PLCB1: variants seen among roughly 807,000 people sequenced by gnomAD.
The protein encoded by PLCB1 is 1-phosphatidylinositol 4,5-bisphosphate phosphodiesterase beta-1.
In PLCB1, 46 loss-of-function variants were observed where a neutral mutation model predicts 161.8. The observed-to-expected ratio is 0.28, with a 90% CI of 0.22 to 0.36. The LOEUF is 0.36. Ranked by LOEUF, PLCB1 falls within the 10% of genes least tolerant of loss-of-function variation. The pLI is 1.00. For missense variants in PLCB1, 1,016 were observed against 1,472.5 expected, an observed-to-expected ratio of 0.69 and a Z score of 5.07; for synonymous variants, 517 against 503.7, an observed-to-expected ratio of 1.03 and a Z score of -0.35.
chr20:8,557,661 A>G (rs1986007309), intron 3 of PLCB1, among the ~76,000 whole-genome samples: 1 of 151,858 alleles, frequency 6.6e-6, no homozygotes. Flanking sequence ...AATTTAGTTA[A>G]TGTCACTCAA....
At chr20:8,809,093 G>C (rs1266250156) in intron 31 of PLCB1, among the ~76,000 whole-genome samples, 1 of 152,012 alleles carries the variant, frequency 6.6e-6, no homozygotes, top group Non-Finnish European at 1.5e-5. Flanking sequence ...ATTTCCCGAG[G>C]TCAGTTCAAT....
intron 3 of PLCB1, among the ~76,000 whole-genome samples, chr20:8,444,447 A>G (rs993813917): frequency 1.3e-5 from 2 of 152,148 alleles, no homozygotes; most frequent in East Asian, 1.9e-4. Context: ...CCAGTCTATC[A>G]TTGTTGGACA....
At chr20:8,366,691 C>G (rs1986722190) in intron 2 of PLCB1, among the ~76,000 whole-genome samples, 1 of 152,186 alleles carries the variant, frequency 6.6e-6, no homozygotes, top group African/African-American at 2.4e-5. Flanking sequence ...GTGGATGCAT[C>G]TGAGGTCCTA....
At chr20:8,814,577 ATGTGTGTGTGTG>A (rs10670728) in intron 31 of PLCB1, among the ~76,000 whole-genome samples, 3 of 145,290 alleles carry the variant, frequency 2.1e-5, no homozygotes, top group Admixed American at 1.4e-4. Flanking sequence ...ATGTACTTGC[ATGTGTGTGTGTG>A]TGTGTGTGTG....
At chr20:8,606,138 A>G (rs1266657222) in intron 3 of PLCB1, among the ~76,000 whole-genome samples, 2 of 152,132 alleles carry the variant, frequency 1.3e-5, no homozygotes, top group Non-Finnish European at 2.9e-5. Flanking sequence ...TTGCCTTCCT[A>G]TTCCAATATT....
Position 8,132,534 on chromosome 20 carries a change from C to A in PLCB1, c.-118C>A, listed in dbSNP as rs1398313055. On this transcript the variant is annotated 5_prime_UTR_variant, in exon 1 of 32. Transcript: ENST00000338037. This position sits in a 1 kb window ranked among gnomAD's most constrained non-coding sequence, Gnocchi z 5.2. ...GGAGGCCGGGGAGGCCGGCGGGGAG[C>A]AGAGTCGAGCGCCTCCGGAGCAGAG... The A allele has an allele frequency of 3.7e-6, 2 of 537,984 alleles. No homozygotes were observed. Among genetic ancestry groups the A allele is most frequent in the South Asian group, 3.9e-5 (1 of 25,660 alleles). The allele number at this position is 537,984 out of a possible 1,614,324, so 33.3% of individuals were successfully genotyped here.
intron 3 of PLCB1, among the ~76,000 whole-genome samples, chr20:8,560,176 G>T (rs767339577): frequency 5.3e-5 from 8 of 151,974 alleles, no homozygotes; most frequent in Non-Finnish European, 1.0e-4. Flanking sequence ...CCTAAGACCT[G>T]CATTTCTAAC....
chr20:8,153,269 A>G (rs2051527879), intron 2 of PLCB1, among the ~76,000 whole-genome samples: 1 of 152,202 alleles, frequency 6.6e-6, no homozygotes, highest in Non-Finnish European at 1.5e-5. Flanking sequence ...ACTTATTTTA[A>G]TAATTCTTTT....
rs200390641 is a variant in PLCB1, at chr20:8,181,276, GA to G, written c.177+30912del. On this transcript the variant is annotated intron_variant, in intron 2 of 31. Transcript: ENST00000338037. ...AAAAAAAAAAAAAAAAAAAGAATAA[GA>G]AAAAAAGACTAGAAAAATGTATGTC... Among the ~76,000 whole-genome samples, 1,284 of 145,576 alleles carry G rather than the reference GA, an allele frequency of 8.8e-3. 13 individuals carry two copies. The highest frequency in any genetic ancestry group is 0.03 in the African/African-American group (1,195 of 39,624).
In PLCB1 at chr20:8,388,335, G is replaced by A. The variant is rs2745752; in HGVS notation, c.246+16885G>A. On this transcript the variant is annotated intron_variant, in intron 3 of 31. Coordinates refer to ENST00000338037, the MANE Select transcript of PLCB1 (RefSeq NM_015192.4). ...TAAATCTCATAATGAGCTGTTATTT[G>A]GATGTTATACAACAGTGGTTTCAAT... is the stretch of plus-strand genomic sequence containing the variant. 9.6e-3 allele frequency among the ~76,000 whole-genome samples: 1,466 copies of A among 152,176 alleles called. 23 individuals carry two copies. Among genetic ancestry groups the A allele is most frequent in the African/African-American group, 0.033 (1,363 of 41,516 alleles).
intron 31 of PLCB1, among the ~76,000 whole-genome samples, chr20:8,828,529 G>A (rs995597674): frequency 2.0e-5 from 3 of 152,166 alleles, no homozygotes; most frequent in African/African-American, 4.8e-5. Context: ...TCTTGAGGAT[G>A]AGCTCACTAA....
intron 2 of PLCB1, among the ~76,000 whole-genome samples, chr20:8,178,488 GGTT>G (rs1355165607): frequency 6.6e-6 from 1 of 151,972 alleles, no homozygotes; most frequent in Admixed American, 6.6e-5. Flanking sequence ...CTTTTAATGG[GGTT>G]GTTTGCTTTT....
At chr20:8,406,949 CTAAG>C (rs1182390164) in intron 3 of PLCB1, among the ~76,000 whole-genome samples, 3 of 152,174 alleles carry the variant, frequency 2.0e-5, no homozygotes, top group African/African-American at 7.2e-5. Context: ...AATGAGACTG[CTAAG>C]TAAGTAAAGA....
chr20:8,766,436 A>T (rs1982319375), intron 26 of PLCB1, among the ~76,000 whole-genome samples: 1 of 152,170 alleles, frequency 6.6e-6, no homozygotes, highest in African/African-American at 2.4e-5. Context: ...AGGCTGAGGA[A>T]ACAGCAAGTG....
intron 2 of PLCB1, among the ~76,000 whole-genome samples, chr20:8,220,305 A>G (rs1331835195): frequency 6.6e-6 from 1 of 152,204 alleles, no homozygotes; most frequent in East Asian, 1.9e-4. Context: ...TTCCACAAAA[A>G]CAACAGAATC....
At chr20:8,282,686 C>A (rs1283126608) in intron 2 of PLCB1, among the ~76,000 whole-genome samples, 1 of 152,112 alleles carries the variant, frequency 6.6e-6, no homozygotes, top group Non-Finnish European at 1.5e-5. Flanking sequence ...AATAATCAAT[C>A]AAAGGGGTTG....
At chr20:8,582,141 TTGGAAGACATTATATTG>T (rs1986853724) in intron 3 of PLCB1, among the ~76,000 whole-genome samples, 1 of 152,276 alleles carries the variant, frequency 6.6e-6, no homozygotes, top group Admixed American at 6.5e-5. Context: ...TTGAAAAGGT[TTGGAAGACATTATATTG>T]TGGGGATAGC....
At chr20:8,489,042 A>G (rs1982841137) in intron 3 of PLCB1, among the ~76,000 whole-genome samples, 2 of 152,238 alleles carry the variant, frequency 1.3e-5, no homozygotes, top group African/African-American at 2.4e-5. Flanking sequence ...TTTATGTGGT[A>G]CTGATAAGCA....
chr20:8,195,194 A>G (rs56348804), intron 2 of PLCB1, among the ~76,000 whole-genome samples: 3,855 of 152,122 alleles, frequency 0.025, 181 homozygotes, highest in African/African-American at 0.087. Flanking sequence ...TTTTAGGAAA[A>G]TAAGGAAGAA....
Sources: allele counts gnomAD v4.1 joint callset (sites outside exome capture counted in the v4.1 genomes callset), GRCh38; gene constraint gnomAD v4.1.1; non-coding constraint Gnocchi (gnomAD v3.1); transcripts MANE v1.5; gene names NCBI Gene and HGNC (gene_info 2026-07-23, HGNC 2026-07-21).